ZNF169: variants seen among roughly 807,000 people sequenced by gnomAD.
ZNF169 encodes the protein zinc finger protein 169.
ZNF169 carries 11 observed loss-of-function variants against 12.0 expected under a neutral mutation model. That is an observed-to-expected ratio of 0.92 (90% CI 0.58 to 1.52). The LOEUF (loss-of-function observed/expected upper bound fraction) is 1.52, where lower values mean the gene tolerates loss of function less well. Among genes scored for constraint, ZNF169 ranks in the 40% most tolerant of loss-of-function variants. The pLI is 0.00. For synonymous variants in ZNF169, 302 were observed against 286.5 expected (o/e 1.05, Z -0.55); for missense variants, 722 against 744.0 (o/e 0.97, Z 0.34).
chr9:94,267,982 C>T (rs2118552353), intron 1 of ZNF169, among the ~76,000 whole-genome samples: 1 of 151,604 alleles, frequency 6.6e-6, no homozygotes, highest in East Asian at 1.9e-4. Flanking sequence ...TCTCCTGCCT[C>T]AGCGTCCTGA....
chr9:94,293,070 G>A lies in ZNF169; in HGVS notation c.256+1G>A. ...GAACATCTTCTGGACCTTTGTCCAGGTGAGTGGGAAGCCCTGGGCAAGCGA... is the reference window on the plus strand; with the variant it reads ...GAACATCTTCTGGACCTTTGTCCAGATGAGTGGGAAGCCCTGGGCAAGCGA... On this transcript the variant is annotated splice_donor_variant, in intron 4 of 4. Transcript: ENST00000395395. LOFTEE classifies it high-confidence loss of function. 6.2e-7 allele frequency: 1 copy of A among 1,612,034 alleles called. No homozygotes were observed. The highest frequency in any genetic ancestry group is 1.3e-5 in the African/African-American group (1 of 75,030).
At chr9:94,288,405 A>G (rs1004490465) in intron 2 of ZNF169, 7 of 1,259,288 alleles carry the variant, frequency 5.6e-6, no homozygotes, top group Middle Eastern at 2.7e-4. Context: ...TGGTATTCTC[A>G]GTGTTGGCTG....
Position 94,292,607 on chromosome 9 carries a change from T to TTTGTG in ZNF169, c.160+141_160+142insTGTGT, listed in dbSNP as rs386415517. ...AGAATGCCTGGCTTTCACAGTGCAG[T>TTTGTG]TGTGTGTGTGTGTGTGTGTGTGTGT... On this transcript the variant is annotated intron_variant, in intron 3 of 4. Transcript: ENST00000395395. The TTTGTG allele has an allele frequency of 2.4e-3, 1,643 of 678,302 alleles. 2 individuals carry two copies. Among genetic ancestry groups the TTTGTG allele is most frequent in the Non-Finnish European group, 3.1e-3 (1,295 of 419,488 alleles). 42.0% of individuals were successfully genotyped at this position (678,302 alleles called of 1,614,324 possible).
chr9:94,283,182 G>A (rs955762611), intron 2 of ZNF169, among the ~76,000 whole-genome samples: 3 of 151,862 alleles, frequency 2.0e-5, no homozygotes, highest in African/African-American at 7.3e-5. Context: ...AGGCTGAGGC[G>A]GGCGGATCAT....
intron 1 of ZNF169, among the ~76,000 whole-genome samples, chr9:94,261,097 C>G (rs562499087): frequency 3.3e-5 from 5 of 149,738 alleles, no homozygotes; most frequent in Admixed American, 2.0e-4. Flanking sequence ...AGTGGGGTGG[C>G]GCGGCGCGAT....
intron 4 of ZNF169, chr9:94,293,348 T>C: frequency 1.7e-6 from 1 of 593,584 alleles, no homozygotes; most frequent in East Asian, 2.7e-5. Context: ...CTTGGGCTCA[T>C]GTGGTTGGCA....
At chr9:94,269,065 C>G (rs7029667) in intron 1 of ZNF169, among the ~76,000 whole-genome samples, 11,463 of 151,276 alleles carry the variant, frequency 0.076, 599 homozygotes, top group Middle Eastern at 0.13. Context: ...CATTGAGCTC[C>G]TAAAAAAAAA....
chr9:94,287,991 C>A, intron 2 of ZNF169: 1 of 799,544 alleles, frequency 1.3e-6, no homozygotes, highest in South Asian at 1.4e-5. Flanking sequence ...AAACTCTGTC[C>A]CATCATTCAC....
At chr9:94,267,969 G>A (rs545684227) in intron 1 of ZNF169, among the ~76,000 whole-genome samples, 4 of 149,448 alleles carry the variant, frequency 2.7e-5, no homozygotes, top group South Asian at 2.1e-4. Context: ...GGGTTCAAGC[G>A]ATTCTCCTGC....
At chr9:94,273,579 C>CTTTTTTTT (rs56165942) in intron 1 of ZNF169, among the ~76,000 whole-genome samples, 1 of 119,168 alleles carries the variant, frequency 8.4e-6, no homozygotes, top group Non-Finnish European at 1.7e-5. Flanking sequence ...TTCTTTCTTT[C>CTTTTTTTT]TTTTTTTTTT....
chr9:94,286,555 GT>G (rs911917741), intron 2 of ZNF169, among the ~76,000 whole-genome samples: 4 of 152,072 alleles, frequency 2.6e-5, no homozygotes, highest in Admixed American at 1.3e-4. Flanking sequence ...TTTTATTCAA[GT>G]TTTTTTTAAC....
intron 2 of ZNF169, among the ~76,000 whole-genome samples, chr9:94,284,689 A>C (rs1830692044): frequency 6.6e-6 from 1 of 152,220 alleles, no homozygotes; most frequent in Non-Finnish European, 1.5e-5. Context: ...TTAACCGAGG[A>C]TGTAAAAGAT....
At chr9:94,281,185 A>G (rs1004881789) in intron 2 of ZNF169, among the ~76,000 whole-genome samples, 2 of 152,324 alleles carry the variant, frequency 1.3e-5, no homozygotes, top group East Asian at 1.9e-4. Flanking sequence ...GCATAAAGGG[A>G]AAGAGGTTTG....
chr9:94,279,673 T>C (rs1392315630), intron 2 of ZNF169, among the ~76,000 whole-genome samples: 2 of 151,798 alleles, frequency 1.3e-5, no homozygotes, highest in African/African-American at 4.8e-5. Flanking sequence ...GGGGCAAGAA[T>C]CCTATCCCTT....
chr9:94,270,705 T>TTATATAA (rs1554713482), intron 1 of ZNF169, among the ~76,000 whole-genome samples: 2 of 17,072 alleles, frequency 1.2e-4, no homozygotes, highest in Non-Finnish European at 4.3e-4. Context: ...ATTTATATAA[T>TTATATAA]TATATAATAT....
In ZNF169 at chr9:94,300,153, A is replaced by T. The variant is rs750732852; in HGVS notation, c.595A>T (p.Thr199Ser). The T allele has an allele frequency of 5.0e-6, 8 of 1,614,052 alleles. No individual in the cohort carries two copies. The Admixed American group carries it at 6.7e-5, about 13-fold the overall frequency. Reference sequence around the variant, plus strand: ...AAGGATGAGTCTTGGGGGGTCAGACACAATGTTGAAGGGAGCAGACACTTC... The same window carrying T: ...AAGGATGAGTCTTGGGGGGTCAGACTCAATGTTGAAGGGAGCAGACACTTC... ...AQRMSLGGSD[T>S]MLKGADTSES... The change falls in exon 5 of 5, where the codon ACA (threonine) becomes TCA (serine). Residue 199 changes from threonine to serine, a missense_variant. Thr to Ser is a moderately conservative substitution (Grantham distance 58). Coordinates refer to ENST00000395395, the MANE Select transcript of ZNF169 (RefSeq NM_194320.4).
At chr9:94,262,761 G>A (rs970744534) in intron 1 of ZNF169, among the ~76,000 whole-genome samples, 7 of 152,242 alleles carry the variant, frequency 4.6e-5, no homozygotes, top group African/African-American at 1.7e-4. Context: ...GCTTGGCTGA[G>A]AAGGGTCATG....
At chr9:94,267,289 A>G (rs1830311955) in intron 1 of ZNF169, among the ~76,000 whole-genome samples, 1 of 152,214 alleles carries the variant, frequency 6.6e-6, no homozygotes, top group South Asian at 2.1e-4. Flanking sequence ...GAAACCCTGT[A>G]CAGGGACTGT....
At chr9:94,269,279 A>G (rs1830349373) in intron 1 of ZNF169, among the ~76,000 whole-genome samples, 1 of 152,186 alleles carries the variant, frequency 6.6e-6, no homozygotes, top group Admixed American at 6.5e-5. Context: ...AAGGGGGTGT[A>G]TGAGCGAGCC....
Sources: gnomAD v4.1 joint callset for allele counts (sites outside exome capture counted in the v4.1 genomes callset) on GRCh38, gnomAD v4.1.1 for gene constraint, MANE v1.5 for transcripts, NCBI Gene and HGNC (gene_info 2026-07-23, HGNC 2026-07-21) for gene names.